Variants in OPCML observed in about 807,000 individuals in gnomAD.
The protein encoded by OPCML is opioid-binding protein/cell adhesion molecule.
OPCML carries 13 observed loss-of-function variants against 37.8 expected under a neutral mutation model. The observed-to-expected ratio is 0.34, with a 90% CI of 0.22 to 0.55. The LOEUF (loss-of-function observed/expected upper bound fraction) is 0.55. OPCML is among the 20% of genes least tolerant of loss of function. The pLI, the probability that OPCML is intolerant of heterozygous loss-of-function variation, is 0.91. For synonymous variants in OPCML, 176 were observed against 168.8 expected, an observed-to-expected ratio of 1.04 and a Z score of -0.33; for missense variants, 341 against 435.6, an observed-to-expected ratio of 0.78 and a Z score of 1.93.
At chr11:133,026,028 C>T (rs1478130457) in intron 1 of OPCML, 1 of 984,106 alleles carries the variant, frequency 1.0e-6, no homozygotes, top group Non-Finnish European at 1.2e-6. Flanking sequence ...AGCCACCACG[C>T]CCAGCCTAAA....
At chr11:133,281,052 C>T (rs1942138704) in intron 1 of OPCML, among the ~76,000 whole-genome samples, 2 of 152,198 alleles carry the variant, frequency 1.3e-5, no homozygotes, top group Admixed American at 6.5e-5. Flanking sequence ...AATAAGAGAA[C>T]TGCCACTGTG....
At chr11:133,055,043 T>A in intron 1 of OPCML, among the ~76,000 whole-genome samples, 1 of 141,102 alleles carries the variant, frequency 7.1e-6, no homozygotes, top group East Asian at 2.1e-4. Flanking sequence ...CCACCTCTAC[T>A]GTACAATGCT....
At chr11:132,959,158 A>G (rs1035562088) in intron 1 of OPCML, among the ~76,000 whole-genome samples, 1 of 152,212 alleles carries the variant, frequency 6.6e-6, no homozygotes, top group African/African-American at 2.4e-5. Context: ...AGCTTAGAAG[A>G]CGTTGATTCC....
At chr11:133,200,357 C>CT (rs1292607984) in intron 1 of OPCML, among the ~76,000 whole-genome samples, 3 of 152,248 alleles carry the variant, frequency 2.0e-5, no homozygotes, top group South Asian at 4.1e-4. Flanking sequence ...TCATTTTATA[C>CT]TTTTTTTGTC....
intron 1 of OPCML, among the ~76,000 whole-genome samples, chr11:133,275,218 G>A (rs945992665): frequency 6.6e-6 from 1 of 152,116 alleles, no homozygotes; most frequent in Non-Finnish European, 1.5e-5. Context: ...AAAAAAATAT[G>A]TATTTCCTGC....
chr11:133,089,242 C>CA (rs907489042), intron 1 of OPCML, among the ~76,000 whole-genome samples: 16 of 151,942 alleles, frequency 1.1e-4, no homozygotes, highest in East Asian at 1.9e-4. Flanking sequence ...GGAAATATGA[C>CA]AAAAAAACAG....
At chr11:133,044,247 T>C (rs1471982219) in intron 1 of OPCML, among the ~76,000 whole-genome samples, 3 of 151,982 alleles carry the variant, frequency 2.0e-5, no homozygotes, top group Non-Finnish European at 4.4e-5. Flanking sequence ...CTGCTGAAGG[T>C]GGGAGCTAGA....
chr11:132,422,183 C>T (rs2095961823), intron 7 of OPCML, among the ~76,000 whole-genome samples: 1 of 151,944 alleles, frequency 6.6e-6, no homozygotes. Flanking sequence ...CAATTGAAGC[C>T]CTGATATGCT....
chr11:133,374,874 C>G (rs973561856), intron 1 of OPCML, among the ~76,000 whole-genome samples: 1 of 152,178 alleles, frequency 6.6e-6, no homozygotes, highest in African/African-American at 2.4e-5. Context: ...GTACCATATG[C>G]ACATTGGGTC....
At chr11:132,726,892 C>T (rs1369848083) in intron 2 of OPCML, among the ~76,000 whole-genome samples, 1 of 152,182 alleles carries the variant, frequency 6.6e-6, no homozygotes, top group Non-Finnish European at 1.5e-5. Flanking sequence ...TACCAAACCC[C>T]TCCCTTTTTC....
At chr11:133,191,983 C>T (rs1592089549) in intron 1 of OPCML, among the ~76,000 whole-genome samples, 1 of 152,146 alleles carries the variant, frequency 6.6e-6, no homozygotes, top group Non-Finnish European at 1.5e-5. Context: ...CTTGAACTGT[C>T]TGCTGTTTTT....
intron 1 of OPCML, among the ~76,000 whole-genome samples, chr11:133,311,756 G>T (rs1943072087): frequency 6.6e-6 from 1 of 152,216 alleles, no homozygotes; most frequent in African/African-American, 2.4e-5. Flanking sequence ...GCAAGTCAAA[G>T]TCAAGGCCCA....
chr11:133,048,167 T>G (rs1037902482), intron 1 of OPCML, among the ~76,000 whole-genome samples: 18 of 152,262 alleles, frequency 1.2e-4, no homozygotes, highest in African/African-American at 4.1e-4. Context: ...AAAAAACTTG[T>G]CCTAGGCCAG....
At chr11:132,751,923 C>A (rs1051826487) in intron 2 of OPCML, among the ~76,000 whole-genome samples, 3 of 152,196 alleles carry the variant, frequency 2.0e-5, no homozygotes, top group Non-Finnish European at 4.4e-5. Flanking sequence ...CCAGTCTTCA[C>A]AAAAGCAAAG....
chr11:133,263,596 T>C (rs569416996), intron 1 of OPCML, among the ~76,000 whole-genome samples: 7 of 152,230 alleles, frequency 4.6e-5, no homozygotes, highest in Non-Finnish European at 1.0e-4. Flanking sequence ...TGTATCCCCA[T>C]TGTTAAGCAG....
At chr11:133,349,310 T>C (rs1944075491) in intron 1 of OPCML, among the ~76,000 whole-genome samples, 1 of 152,264 alleles carries the variant, frequency 6.6e-6, no homozygotes, top group African/African-American at 2.4e-5. Flanking sequence ...GACTTAGCAA[T>C]GCACAGTTTT....
intron 3 of OPCML, among the ~76,000 whole-genome samples, chr11:132,554,807 G>A (rs1338260648): frequency 6.9e-6 from 1 of 145,588 alleles, no homozygotes; most frequent in Non-Finnish European, 1.5e-5. Context: ...TTCTTTCATT[G>A]CAAATAGCAT....
At chr11:132,439,230 C>G (rs2096023604) in intron 4 of OPCML, among the ~76,000 whole-genome samples, 1 of 152,112 alleles carries the variant, frequency 6.6e-6, no homozygotes, top group African/African-American at 2.4e-5. Flanking sequence ...GGTGAAAGAT[C>G]CCCAGACTGA....
intron 1 of OPCML, among the ~76,000 whole-genome samples, chr11:133,452,862 A>G (rs1263575840): frequency 3.3e-5 from 5 of 151,672 alleles, no homozygotes; most frequent in Non-Finnish European, 7.3e-5. Flanking sequence ...TAGTTTGTAT[A>G]AAAGTTAAGA....
Sources: allele counts gnomAD v4.1 joint callset (sites outside exome capture counted in the v4.1 genomes callset), GRCh38; gene constraint gnomAD v4.1.1; transcripts MANE v1.5; gene names NCBI Gene and HGNC (gene_info 2026-07-23, HGNC 2026-07-21).